Variants in GSDME observed in about 807,000 individuals in gnomAD.
The protein encoded by GSDME is gasdermin E.
In GSDME, 44 loss-of-function variants were observed where a neutral mutation model predicts 47.5. That is an observed-to-expected ratio of 0.93 (90% CI 0.73 to 1.19). GSDME has a LOEUF of 1.19. Among genes scored for constraint, GSDME ranks in the 50% most tolerant of loss-of-function variants. The pLI, the probability that GSDME is intolerant of heterozygous loss-of-function variation, is 0.00. For missense variants in GSDME, 663 were observed against 604.2 expected (o/e 1.10, Z -1.02); for synonymous variants, 258 against 252.8 (o/e 1.02, Z -0.20).
At position 24,705,215 on chromosome 7, in the gene GSDME, G is replaced by A. The variant is rs1159267743; in HGVS notation, c.1183+969C>T. On this transcript the variant is annotated intron_variant, in intron 8 of 9. Coordinates refer to ENST00000645220, the MANE Select transcript of GSDME (RefSeq NM_001127453.2). This position sits in a 1 kb window ranked among gnomAD's most constrained non-coding sequence, Gnocchi z 4.1. The stretch of plus-strand genomic sequence containing the variant: ...CCTGTTCTGAAAGACTCTAATACCC[G>A]GATGTTAACATTGGGAGAAAGTCTC... 5.3e-5 allele frequency: 8 copies of A among 152,190 alleles called. No homozygotes were observed. The highest frequency in any genetic ancestry group is 1.4e-4 in the African/African-American group (6 of 41,438). 9.4% of individuals were successfully genotyped at this position (152,190 alleles called of 1,614,324 possible).
rs1168600257 is a variant in GSDME, at chr7:24,719,084, C to G, written c.539G>C (p.Cys180Ser). The G allele has an allele frequency of 1.2e-6, 2 of 1,613,366 alleles. No homozygotes were observed. The highest frequency in any genetic ancestry group is 2.7e-5 in the African/African-American group (2 of 74,920). The change falls in exon 4 of 10, where the codon TGT becomes TCT. Residue 180 changes from cysteine to serine, a missense_variant. By Grantham distance (112) the Cys-to-Ser change is moderately radical. Transcript: ENST00000645220. ...ISEHMQVEEK[C>S]GGIVGIQTKT... ...GGTCTGGATGCCCACGATGCCACCA[C>G]ACTTCTCCTCGACCTGCATGTGCTC...
At chr7:24,731,620 GCT>G (rs1353821424) in intron 3 of GSDME, among the ~76,000 whole-genome samples, 2 of 152,228 alleles carry the variant, frequency 1.3e-5, no homozygotes, top group African/African-American at 4.8e-5. Context: ...TGCTAGGCAG[GCT>G]CTATACTTAT....
upstream of GSDME, among the ~76,000 whole-genome samples, chr7:24,759,548 C>A (rs770900030): frequency 6.6e-6 from 1 of 152,192 alleles, no homozygotes; most frequent in Non-Finnish European, 1.5e-5. Flanking sequence ...TTAATCCTTA[C>A]AACTATTTGG....
intron 1 of GSDME, among the ~76,000 whole-genome samples, chr7:24,752,742 A>C (rs992957090): frequency 6.6e-6 from 1 of 152,238 alleles, no homozygotes; most frequent in African/African-American, 2.4e-5. Context: ...CAACTGCTTT[A>C]GTTTACCACT....
chr7:24,776,346 G>C, the GSDME span, among the ~76,000 whole-genome samples: 1 of 152,096 alleles, frequency 6.6e-6, no homozygotes, highest in African/African-American at 2.4e-5. Flanking sequence ...CTGTCACCAG[G>C]AGCCAGTTCT....
In GSDME at chr7:24,725,460, A is replaced by G. The variant is rs1337146995; in HGVS notation, c.405-6242T>C. Among the ~76,000 whole-genome samples the G allele has an allele frequency of 1.3e-5, 2 of 152,246 alleles. No homozygotes were observed. The highest frequency in any genetic ancestry group is 4.8e-5 in the African/African-American group (2 of 41,540). ...CGCAGACAAAACTCCTCAGATACCA[A>G]GTTAAACAAGGAAGGGGTTTATTCG... On this transcript the variant is annotated intron_variant, in intron 3 of 9. Transcript: ENST00000645220. This position sits in a 1 kb window ranked among gnomAD's most constrained non-coding sequence, Gnocchi z 5.1.
chr7:24,710,197 C>G (rs1000611137), intron 6 of GSDME, 27 bp downstream of exon 6: 2 of 1,612,078 alleles, frequency 1.2e-6, no homozygotes, highest in African/African-American at 2.7e-5. Context: ...CCTCAACTGC[C>G]CACTACTCCT....
At position 24,717,367 on chromosome 7, in the gene GSDME, G is replaced by T; in HGVS notation, c.584C>A (p.Ala195Glu). The T allele has an allele frequency of 3.7e-6, 6 of 1,614,100 alleles. No individual in the cohort carries two copies. Among genetic ancestry groups the T allele is most frequent in the Non-Finnish European group, 5.1e-6 (6 of 1,180,008 alleles). Residue 195 changes from alanine (A) to glutamate (E), a missense_variant, in exon 5 of 10, where the codon GCG becomes GAG. By Grantham distance (107) the Ala-to-Glu change is moderately radical (BLOSUM62 -1). Coordinates refer to ENST00000645220, the MANE Select transcript of GSDME (RefSeq NM_001127453.2). The part of the protein sequence containing the change: ...GIQTKTVQVS[A>E]TEDGNVTKDS... ...CTTGGTGACATTCCCATCCTCCGTCGCTGACACCTGTGGGCAAAAGCGCAC... is the reference window on the plus strand; with the variant it reads ...CTTGGTGACATTCCCATCCTCCGTCTCTGACACCTGTGGGCAAAAGCGCAC...
At chr7:24,789,460 G>A in the GSDME span, among the ~76,000 whole-genome samples, 3 of 152,184 alleles carry the variant, frequency 2.0e-5, no homozygotes, top group Non-Finnish European at 4.4e-5. Flanking sequence ...TGAGCAGGTC[G>A]TGATCAATTA....
the GSDME span, among the ~76,000 whole-genome samples, chr7:24,767,390 C>G: frequency 2.6e-5 from 4 of 152,112 alleles, no homozygotes; most frequent in Non-Finnish European, 5.9e-5. This position sits in a 1 kb window ranked among gnomAD's most constrained non-coding sequence, Gnocchi z 5.3. Context: ...ACATAATGAG[C>G]ACATGTACCC....
Position 24,705,465 on chromosome 7 carries a change from A to G in GSDME, c.1183+719T>C, listed in dbSNP as rs1043898665. 5.1e-5 allele frequency: 8 copies of G among 157,320 alleles called. No individual in the cohort carries two copies. Among genetic ancestry groups the G allele is most frequent in the South Asian group, 1.9e-4 (1 of 5,182 alleles). 9.7% of individuals were successfully genotyped at this position (157,320 alleles called of 1,614,324 possible). A position where few individuals can be genotyped will look rare whatever the true frequency, so the allele number is the denominator to read the frequency against. Reference sequence around the variant, plus strand: ...GTATCAGAAACTATGTGTCCTGACTAGTGTCACCATGAAGGGAAGCTGTGG... The same window carrying G: ...GTATCAGAAACTATGTGTCCTGACTGGTGTCACCATGAAGGGAAGCTGTGG... On this transcript the variant is annotated intron_variant, in intron 8 of 9. Transcript: ENST00000645220. The surrounding 1 kb of genome is among the most constrained non-coding windows in gnomAD (Gnocchi z 4.1).
At chr7:24,758,606 G>C (rs1182896519), upstream of GSDME, among the ~76,000 whole-genome samples, 1 of 152,188 alleles carries the variant, frequency 6.6e-6, no homozygotes, top group Admixed American at 6.5e-5. This position sits in a 1 kb window ranked among gnomAD's most constrained non-coding sequence, Gnocchi z 4.6. Flanking sequence ...GGCTGTTCGG[G>C]GAGGGCAGGT....
At chr7:24,706,893 A>G (rs1285061485) in intron 7 of GSDME, among the ~76,000 whole-genome samples, 1 of 152,204 alleles carries the variant, frequency 6.6e-6, no homozygotes, top group African/African-American at 2.4e-5. Flanking sequence ...AGATCCGATC[A>G]TCTGAAAGCT....
chr7:24,732,497 G>GTTT lies in GSDME; in HGVS notation c.404+12062_404+12064dup. Reference sequence around the variant, plus strand: ...ATCAGGTGAGCAATCACAGTACCTGGTTTTGACTTCATTTTGCTGAAAGAG... The same window carrying GTTT: ...ATCAGGTGAGCAATCACAGTACCTGGTTTTTTTGACTTCATTTTGCTGAAAGAG... On this transcript the variant is annotated intron_variant, in intron 3 of 9. Coordinates refer to ENST00000645220, the MANE Select transcript of GSDME (RefSeq NM_001127453.2). The surrounding 1 kb of genome is among the most constrained non-coding windows in gnomAD (Gnocchi z 4.8). Among the ~76,000 whole-genome samples, 1 of 152,344 alleles carries GTTT rather than the reference G, an allele frequency of 6.6e-6. No individual in the cohort carries two copies. The highest frequency in any genetic ancestry group is 1.5e-5 in the Non-Finnish European group (1 of 68,038).
the GSDME span, among the ~76,000 whole-genome samples, chr7:24,784,626 C>CTT: frequency 0.011 from 1,374 of 124,248 alleles, 46 homozygotes; most frequent in African/African-American, 0.031. Context: ...TTTCTTCTTC[C>CTT]TTTTTTTTTT....
the GSDME span, among the ~76,000 whole-genome samples, chr7:24,767,625 T>C: frequency 6.6e-6 from 1 of 151,948 alleles, no homozygotes; most frequent in Non-Finnish European, 1.5e-5. The surrounding 1 kb of genome is among the most constrained non-coding windows in gnomAD (Gnocchi z 5.3). Flanking sequence ...GAACCTTTTT[T>C]TTTTTGTTTC....
At chr7:24,787,018 AGGGCCTT>A in the GSDME span, among the ~76,000 whole-genome samples, 2 of 152,070 alleles carry the variant, frequency 1.3e-5, no homozygotes, top group Non-Finnish European at 1.5e-5. The surrounding 1 kb of genome is among the most constrained non-coding windows in gnomAD (Gnocchi z 5.0). Context: ...GAAAGAGGTG[AGGGCCTT>A]GGGCATGATT....
rs549442891 is a variant in GSDME at position 24,717,062 on chromosome 7, C to CA, written c.697+191dup. On this transcript the variant is annotated intron_variant, in intron 5 of 9. Coordinates refer to ENST00000645220, the MANE Select transcript of GSDME (RefSeq NM_001127453.2). ...GGGTGGCATTGCTCCAGGCATCCCT[C>CA]ACCACACCCCTCCCCCAGTGCAGCC... The CA allele has an allele frequency of 2.0e-3, 1,276 of 652,172 alleles. 8 individuals are homozygous for CA. Among genetic ancestry groups the CA allele is most frequent in the African/African-American group, 0.019 (1,029 of 55,578 alleles). The allele number at this position is 652,172 out of a possible 1,614,324, so 40.4% of individuals were successfully genotyped here. A position where few individuals can be genotyped will look rare whatever the true frequency, so the allele number is the denominator to read the frequency against.
rs936124171 is a variant in GSDME at position 24,714,960 on chromosome 7, A to G, written c.697+2294T>C. On this transcript the variant is annotated intron_variant, in intron 5 of 9. Coordinates refer to ENST00000645220, the MANE Select transcript of GSDME (RefSeq NM_001127453.2). The surrounding 1 kb of genome is among the most constrained non-coding windows in gnomAD (Gnocchi z 5.0). ...TACAGCCAAGATACGGAAATAATGT[A>G]ACTGTCTGTTGATGGACAAATAGAT... 6.6e-5 allele frequency among the ~76,000 whole-genome samples: 10 copies of G among 152,264 alleles called. No homozygotes were observed. The highest frequency in any genetic ancestry group is 2.2e-4 in the African/African-American group (9 of 41,474).
Sources: gnomAD v4.1 joint callset for allele counts (sites outside exome capture counted in the v4.1 genomes callset) on GRCh38, gnomAD v4.1.1 for gene constraint, Gnocchi (gnomAD v3.1) non-coding constraint, MANE v1.5 for transcripts, NCBI Gene and HGNC (gene_info 2026-07-23, HGNC 2026-07-21) for gene names.